SORBS2: variants seen among roughly 807,000 people sequenced by gnomAD.
SORBS2 encodes sorbin and SH3 domain containing 2.
Under a neutral mutation model 97.7 loss-of-function variants are expected in SORBS2, and 46 were observed. That is an observed-to-expected ratio of 0.47 (90% CI 0.37 to 0.60). The LOEUF (loss-of-function observed/expected upper bound fraction) is 0.60, where lower values mean the gene tolerates loss of function less well. SORBS2 is among the 20% of genes least tolerant of loss of function. SORBS2 has a pLI of 0.00. For missense variants in SORBS2, 1,316 were observed against 1,282.3 expected (o/e 1.03, Z -0.40); for synonymous variants, 476 against 473.4 (o/e 1.01, Z -0.07).
intron 14 of SORBS2, 130 bp from the exon 27 acceptor site, chr4:185,587,818 C>T (rs1407435965): frequency 2.1e-5 from 15 of 707,618 alleles, no homozygotes; most frequent in Non-Finnish European, 3.8e-5. Flanking sequence ...AGAAGGCAGG[C>T]AACTCACATG....
chr4:185,886,891 G>T (rs753190088), intron 1 of SORBS2, among the ~76,000 whole-genome samples: 1 of 152,186 alleles, frequency 6.6e-6, no homozygotes, highest in Non-Finnish European at 1.5e-5. Flanking sequence ...GCCCCAAAGG[G>T]TATAACTTAG....
In SORBS2 at chr4:185,644,404, A is replaced by T. The variant is rs192538200; in HGVS notation, c.396+2264T>A. Among the ~76,000 whole-genome samples, 225 of 152,338 alleles carry T rather than the reference A, an allele frequency of 1.5e-3. 1 individual carries two copies. Among genetic ancestry groups the T allele is most frequent in the African/African-American group, 5.1e-3 (213 of 41,564 alleles). On this transcript the variant is annotated intron_variant, in intron 4 of 14. Transcript: ENST00000418609. ...TGATAAAGTAAATCAAGTATACTTT[A>T]TTGTAAATTAGCCAATAAATAAATT...
At chr4:185,625,333 A>G (rs76257681) in intron 6 of SORBS2, among the ~76,000 whole-genome samples, 20 of 152,362 alleles carry the variant, frequency 1.3e-4, no homozygotes, top group Non-Finnish European at 2.5e-4. Context: ...TTGAATAGCT[A>G]TGGAAATGTT....
At chr4:185,624,035 C>G (rs769241026) in exon 7 of SORBS2, 1 of 1,614,172 alleles carries the variant, frequency 6.2e-7, no homozygotes. Context: ...CAGGTCCTTG[C>G]GGTTGATGCG....
intron 1 of SORBS2, among the ~76,000 whole-genome samples, chr4:185,779,460 T>G (rs2099016747): frequency 6.6e-6 from 1 of 152,216 alleles, no homozygotes; most frequent in Admixed American, 6.5e-5. Flanking sequence ...GTGGCTAAAT[T>G]TAGTAATTTT....
chr4:185,656,875 G>C (rs954537343), exon 1 of SORBS2: 7 of 1,278,284 alleles, frequency 5.5e-6, no homozygotes, highest in Non-Finnish European at 6.9e-6. Context: ...GGCTGAAGAG[G>C]GACATTAAAA....
At chr4:185,795,843 C>A (rs1280789971) in intron 1 of SORBS2, among the ~76,000 whole-genome samples, 2 of 152,290 alleles carry the variant, frequency 1.3e-5, no homozygotes, top group East Asian at 3.9e-4. Context: ...TCACTATCTT[C>A]TTCCCCCAAA....
intron 2 of SORBS2, among the ~76,000 whole-genome samples, chr4:185,753,904 A>G (rs2098815539): frequency 6.6e-6 from 1 of 152,218 alleles, no homozygotes; most frequent in Non-Finnish European, 1.5e-5. Context: ...TTTCTGATAG[A>G]ACTTAAAACA....
intron 4 of SORBS2, among the ~76,000 whole-genome samples, chr4:185,631,075 A>C (rs893440907): frequency 1.3e-5 from 2 of 152,240 alleles, no homozygotes; most frequent in African/African-American, 4.8e-5. Context: ...TATTGTCTTC[A>C]GAATGTAACA....
Position 185,807,523 on chromosome 4 carries a change from G to A in SORBS2, c.-337-32157C>T, listed in dbSNP as rs1383021872. ...CCAAGGTGCAGTGAAGTGTGGTGGA[G>A]TTCCATATGGATCTGTTATGCTGCA... On this transcript the variant is annotated intron_variant, in intron 1 of 20. Coordinates refer to the SORBS2 transcript ENST00000284776. Among the ~76,000 whole-genome samples, 5 of 152,302 alleles carry A rather than the reference G, an allele frequency of 3.3e-5. No homozygotes were observed. In the East Asian group the frequency reaches 5.8e-4, roughly 18 times the overall value.
chr4:185,807,851 C>T (rs1311978022), intron 1 of SORBS2, among the ~76,000 whole-genome samples: 1 of 152,166 alleles, frequency 6.6e-6, no homozygotes, highest in Admixed American at 6.5e-5. Context: ...TTATCTAATG[C>T]AATCATATAT....
At chr4:185,603,503 A>AG (rs1355513686) in intron 12 of SORBS2, among the ~76,000 whole-genome samples, 3 of 152,174 alleles carry the variant, frequency 2.0e-5, no homozygotes, top group Non-Finnish European at 4.4e-5. Context: ...GTTTGGTGGT[A>AG]GTGGTTTTGA....
intron 1 of SORBS2, among the ~76,000 whole-genome samples, chr4:185,893,449 C>G (rs1217386165): frequency 6.6e-6 from 1 of 152,214 alleles, no homozygotes; most frequent in Admixed American, 6.5e-5. Context: ...CTCCAAGATA[C>G]TGGGAGACCC....
At chr4:185,953,541 C>T (rs2099278207) in intron 1 of SORBS2, among the ~76,000 whole-genome samples, 1 of 152,176 alleles carries the variant, frequency 6.6e-6, no homozygotes, top group African/African-American at 2.4e-5. Context: ...TTTGCATTTG[C>T]ATAGGCTTCA....
rs2153432714 is a variant in SORBS2, at chr4:185,630,613, T to A, written c.397-15A>T. On this transcript the variant is annotated splice_polypyrimidine_tract_variant and intron_variant, in intron 4 of 14. Coordinates refer to ENST00000418609, the Ensembl canonical transcript of SORBS2. ...TACAAGGAGGCCTGTTAAGATAGGA[T>A]AATAGTACCATGAAAAATTTTACCG... 1 of 1,566,006 alleles carries A rather than the reference T, an allele frequency of 6.4e-7. No individual in the cohort carries two copies. The highest frequency in any genetic ancestry group is 2.3e-5 in the East Asian group (1 of 44,192).
intron 2 of SORBS2, among the ~76,000 whole-genome samples, chr4:185,717,954 T>C (rs185310500): frequency 5.9e-5 from 9 of 152,288 alleles, no homozygotes; most frequent in Admixed American, 3.9e-4. Flanking sequence ...AAATCATATA[T>C]GTATGGCCGG....
chr4:185,768,418 G>A (rs915905712), intron 2 of SORBS2, among the ~76,000 whole-genome samples: 4 of 152,114 alleles, frequency 2.6e-5, no homozygotes, highest in Non-Finnish European at 5.9e-5. Flanking sequence ...TTGGCCAAGT[G>A]CAGTGGCTCA....
At chr4:185,749,538 C>T (rs2098786893) in intron 2 of SORBS2, among the ~76,000 whole-genome samples, 1 of 152,192 alleles carries the variant, frequency 6.6e-6, no homozygotes, top group Non-Finnish European at 1.5e-5. Flanking sequence ...GATTCCTGGT[C>T]ATTCTGGCTC....
At chr4:185,668,793 C>T (rs1030777086) in intron 4 of SORBS2, among the ~76,000 whole-genome samples, 2 of 152,194 alleles carry the variant, frequency 1.3e-5, no homozygotes, top group African/African-American at 4.8e-5. Flanking sequence ...TGTTTTAGGT[C>T]TCCTTCTTTT....
Sources: allele counts gnomAD v4.1 joint callset (sites outside exome capture counted in the v4.1 genomes callset), GRCh38; gene constraint gnomAD v4.1.1; transcripts MANE v1.5; gene names NCBI Gene and HGNC (gene_info 2026-07-23, HGNC 2026-07-21).